ERBB4: variants seen among roughly 807,000 people sequenced by gnomAD.
The protein encoded by ERBB4 is erb-b2 receptor tyrosine kinase 4, also known as receptor tyrosine-protein kinase erbB-4.
ERBB4 carries 42 observed loss-of-function variants against 158.0 expected under a neutral mutation model. The observed-to-expected ratio is 0.27, with a 90% CI of 0.21 to 0.34. ERBB4 has a LOEUF of 0.34. Ranked by LOEUF, ERBB4 falls within the 10% of genes least tolerant of loss-of-function variation. ERBB4 has a pLI of 1.00. For missense variants in ERBB4, 1,333 were observed against 1,624.1 expected, an observed-to-expected ratio of 0.82 and a Z score of 3.08; for synonymous variants, 583 against 558.7, an observed-to-expected ratio of 1.04 and a Z score of -0.61.
intron 1 of ERBB4, among the ~76,000 whole-genome samples, chr2:212,263,805 T>G (rs986237368): frequency 6.6e-6 from 1 of 151,994 alleles, no homozygotes; most frequent in Middle Eastern, 3.4e-3. Context: ...TTTCCATTTT[T>G]CCTTTTTTTT....
chr2:211,882,266 A>G (rs183230273), intron 3 of ERBB4, among the ~76,000 whole-genome samples: 1 of 152,178 alleles, frequency 6.6e-6, no homozygotes, highest in South Asian at 2.1e-4. Flanking sequence ...CTGCATTGAC[A>G]TGGTTAAGTT....
chr2:212,204,720 A>AC (rs1367269448), intron 1 of ERBB4, among the ~76,000 whole-genome samples: 2 of 151,492 alleles, frequency 1.3e-5, no homozygotes, highest in Non-Finnish European at 2.9e-5. Flanking sequence ...AAAAAAAAAA[A>AC]CAGTATTTAT....
chr2:211,548,192 T>C (rs1045855257), intron 20 of ERBB4, among the ~76,000 whole-genome samples: 1 of 152,104 alleles, frequency 6.6e-6, no homozygotes, highest in South Asian at 2.1e-4. Flanking sequence ...ATTTGGCGCA[T>C]AAATAAAAAG....
intron 1 of ERBB4, among the ~76,000 whole-genome samples, chr2:212,292,068 G>C (rs143220696): frequency 6.6e-6 from 1 of 151,662 alleles, no homozygotes; most frequent in East Asian, 1.9e-4. Flanking sequence ...CTGAAAAAAA[G>C]CTAGTTTTGC....
At chr2:212,426,224 AT>A in intron 1 of ERBB4, 1 of 491,250 alleles carries the variant, frequency 2.0e-6, no homozygotes. Context: ...TTTTGAATTG[AT>A]TTAGTTACTT....
At chr2:211,976,201 T>C (rs1434529671) in intron 2 of ERBB4, among the ~76,000 whole-genome samples, 1 of 152,166 alleles carries the variant, frequency 6.6e-6, no homozygotes, top group Admixed American at 6.5e-5. Flanking sequence ...TCAATTATAA[T>C]AGATAAATCT....
chr2:212,261,770 T>C (rs186927319), intron 1 of ERBB4, among the ~76,000 whole-genome samples: 1 of 152,214 alleles, frequency 6.6e-6, no homozygotes, highest in East Asian at 1.9e-4. Flanking sequence ...GAAAAAATTA[T>C]CAAAAAACAA....
intron 2 of ERBB4, among the ~76,000 whole-genome samples, chr2:212,040,054 C>T (rs2077101823): frequency 6.6e-6 from 1 of 151,032 alleles, no homozygotes; most frequent in Admixed American, 6.6e-5. Flanking sequence ...TCTTAATTTC[C>T]AGAAGCTAAA....
At chr2:212,196,213 T>C (rs1285299638) in intron 1 of ERBB4, among the ~76,000 whole-genome samples, 1 of 152,178 alleles carries the variant, frequency 6.6e-6, no homozygotes, top group African/African-American at 2.4e-5. Context: ...ATGTTATATG[T>C]ATTATATACT....
At chr2:211,888,792 G>A (rs945577574) in intron 3 of ERBB4, among the ~76,000 whole-genome samples, 2 of 151,754 alleles carry the variant, frequency 1.3e-5, no homozygotes, top group African/African-American at 4.9e-5. Flanking sequence ...GGTGACGGAC[G>A]CACCTGGAAA....
chr2:212,293,865 A>C (rs1002085036), intron 1 of ERBB4, among the ~76,000 whole-genome samples: 3 of 150,320 alleles, frequency 2.0e-5, no homozygotes, highest in Non-Finnish European at 4.4e-5. Context: ...AAAACAAAAA[A>C]AAAAAAAACA....
rs191688905 is a variant in ERBB4 at position 211,589,287 on chromosome 2, A to T, written c.2302-27199T>A. On this transcript the variant is annotated intron_variant, in intron 19 of 27. Coordinates refer to ENST00000342788, the MANE Select transcript of ERBB4 (RefSeq NM_005235.3). ...GTAATTGATGATCTCTTCTTTCCTT[A>T]GGTGTATTTTTTAATTAAAATGCAG... is the stretch of plus-strand genomic sequence containing the variant. Among the ~76,000 whole-genome samples, 357 of 152,280 alleles carry T rather than the reference A, an allele frequency of 2.3e-3. 1 individual carries two copies. Among genetic ancestry groups the T allele is most frequent in the Non-Finnish European group, 3.6e-3 (245 of 67,992 alleles).
At position 211,670,069 on chromosome 2, in the gene ERBB4, C is replaced by A. The variant is rs146177629; in HGVS notation, c.1716+3095G>T. On this transcript the variant is annotated intron_variant, in intron 14 of 27. Coordinates refer to ENST00000342788, the MANE Select transcript of ERBB4 (RefSeq NM_005235.3). Reference sequence around the variant, plus strand: ...GATCAGGAATGGGATTTCCAAATGGCTTTGATGACTTCTTCCTCAATTTCA... The same window carrying A: ...GATCAGGAATGGGATTTCCAAATGGATTTGATGACTTCTTCCTCAATTTCA... 3.6e-3 allele frequency among the ~76,000 whole-genome samples: 548 copies of A among 152,260 alleles called. 2 individuals are homozygous for A. The highest frequency in any genetic ancestry group is 0.013 in the African/African-American group (520 of 41,540).
chr2:212,204,608 A>ATC (rs762784812), intron 1 of ERBB4, among the ~76,000 whole-genome samples: 4 of 151,584 alleles, frequency 2.6e-5, no homozygotes, highest in Non-Finnish European at 4.4e-5. Flanking sequence ...GAGGTACAAG[A>ATC]ATTGCGTGAA....
At chr2:212,169,069 G>C (rs1304110439) in intron 1 of ERBB4, among the ~76,000 whole-genome samples, 2 of 152,066 alleles carry the variant, frequency 1.3e-5, no homozygotes, top group Non-Finnish European at 2.9e-5. Context: ...ATTTATACTT[G>C]GAGAATATGC....
intron 2 of ERBB4, among the ~76,000 whole-genome samples, chr2:212,113,435 G>A (rs982306003): frequency 1.3e-5 from 2 of 151,648 alleles, no homozygotes; most frequent in African/African-American, 4.9e-5. Context: ...TTAGCTGGGT[G>A]TGGTGGTGGA....
intron 19 of ERBB4, among the ~76,000 whole-genome samples, chr2:211,575,763 G>A (rs990923630): frequency 2.0e-5 from 3 of 152,120 alleles, no homozygotes; most frequent in Admixed American, 2.0e-4. Flanking sequence ...TGTGGTAAAG[G>A]AGCAGGCAGG....
intron 14 of ERBB4, among the ~76,000 whole-genome samples, chr2:211,670,426 A>G (rs2071795999): frequency 6.6e-6 from 1 of 152,200 alleles, no homozygotes; most frequent in East Asian, 1.9e-4. Flanking sequence ...TGGAGTTCTA[A>G]AAATGTATAT....
At chr2:211,398,066 T>G (rs1006698183) in intron 25 of ERBB4, among the ~76,000 whole-genome samples, 2 of 151,796 alleles carry the variant, frequency 1.3e-5, no homozygotes, top group African/African-American at 2.4e-5. Flanking sequence ...AACATCACAT[T>G]TCTTAAAGTG....
Sources: gnomAD v4.1 joint callset for allele counts (sites outside exome capture counted in the v4.1 genomes callset) on GRCh38, gnomAD v4.1.1 for gene constraint, MANE v1.5 for transcripts, NCBI Gene and HGNC (gene_info 2026-07-23, HGNC 2026-07-21) for gene names.